The following UGGT2 variants were observed in gnomAD, a reference collection of about 807,000 sequenced individuals.
The protein encoded by UGGT2 is UDP-glucose:glycoprotein glucosyltransferase 2.
A neutral mutation model predicts 192.1 loss-of-function variants in UGGT2; 180 were observed. The ratio of observed to expected loss-of-function variants is 0.94; its 90% CI spans 0.83 to 1.06. UGGT2 has a LOEUF of 1.06. Among genes scored for constraint, UGGT2 ranks in the 50% least tolerant of loss-of-function variants. UGGT2 has a pLI of 0.00. For missense variants in UGGT2, 1,849 were observed against 1,795.7 expected, an observed-to-expected ratio of 1.03 and a Z score of -0.54; for synonymous variants, 580 against 591.0, an observed-to-expected ratio of 0.98 and a Z score of 0.27.
At chr13:95,960,314 G>A (rs1185350384) in intron 12 of UGGT2, among the ~76,000 whole-genome samples, 3 of 152,116 alleles carry the variant, frequency 2.0e-5, no homozygotes. Flanking sequence ...AGCTATAAGA[G>A]AATACTTTAA....
In UGGT2 at chr13:95,999,457, T is replaced by A. The variant is rs1254550604; in HGVS notation, c.661-150A>T. On this transcript the variant is annotated intron_variant, in intron 5 of 38. Transcript: ENST00000376747. ...CTGAAAAATTTGGGGGTTGTTTATA[T>A]TGTCTCTAGTCTATCAAGGAACTAG... 4.5e-6 allele frequency: 3 copies of A among 661,368 alleles called. No homozygotes were observed. In the East Asian group the frequency reaches 8.2e-5, roughly 18 times the overall value. 41.0% of individuals were successfully genotyped at this position (661,368 alleles called of 1,614,324 possible).
intron 21 of UGGT2, 72 bp downstream of exon 21, chr13:95,902,782 A>G (rs1298200049): frequency 7.8e-6 from 11 of 1,405,058 alleles, no homozygotes; most frequent in Middle Eastern, 2.3e-4. Context: ...TTCAGTAACA[A>G]TATCTCCAAA....
chr13:95,834,528 C>T (rs1211598777), intron 37 of UGGT2, among the ~76,000 whole-genome samples: 1 of 152,194 alleles, frequency 6.6e-6, no homozygotes, highest in Non-Finnish European at 1.5e-5. Flanking sequence ...TAAACATTTT[C>T]ATTCCCACCT....
intron 16 of UGGT2, among the ~76,000 whole-genome samples, chr13:95,937,850 G>A (rs1037535647): frequency 6.6e-6 from 1 of 152,046 alleles, no homozygotes; most frequent in Non-Finnish European, 1.5e-5. Flanking sequence ...CTTATGCAAT[G>A]GTAAATTCAC....
chr13:95,835,948 CT>C (rs1887231774), intron 37 of UGGT2, among the ~76,000 whole-genome samples: 1 of 152,036 alleles, frequency 6.6e-6, no homozygotes, highest in Non-Finnish European at 1.5e-5. Context: ...TCTTGTTTGC[CT>C]TTATTTGGGG....
At chr13:96,042,722 T>TA (rs2053200334) in intron 1 of UGGT2, among the ~76,000 whole-genome samples, 2 of 151,386 alleles carry the variant, frequency 1.3e-5, no homozygotes, top group Admixed American at 6.6e-5. Flanking sequence ...AAATGTAAAA[T>TA]AGAGTTTCAG....
At chr13:95,861,494 T>C (rs1396146556) in intron 31 of UGGT2, among the ~76,000 whole-genome samples, 1 of 152,126 alleles carries the variant, frequency 6.6e-6, no homozygotes, top group Non-Finnish European at 1.5e-5. Flanking sequence ...GGTAGCGTCA[T>C]CTGGGCCCAG....
intron 4 of UGGT2, among the ~76,000 whole-genome samples, chr13:96,018,758 A>C (rs1458653021): frequency 6.6e-6 from 1 of 151,618 alleles, no homozygotes; most frequent in Non-Finnish European, 1.5e-5. Context: ...AACAAAAAAA[A>C]CACAAAAAAC....
chr13:96,043,934 C>T (rs1317255402), intron 1 of UGGT2, among the ~76,000 whole-genome samples: 1 of 152,120 alleles, frequency 6.6e-6, no homozygotes, highest in Non-Finnish European at 1.5e-5. Context: ...CAATACTGCA[C>T]TGATAGCACT....
intron 17 of UGGT2, among the ~76,000 whole-genome samples, chr13:95,933,439 A>G (rs1338953990): frequency 6.6e-6 from 1 of 152,036 alleles, no homozygotes; most frequent in Non-Finnish European, 1.5e-5. Context: ...GTGCTTATTT[A>G]GATCGTTTCT....
At chr13:95,917,937 T>C (rs2048730459) in intron 20 of UGGT2, among the ~76,000 whole-genome samples, 1 of 152,128 alleles carries the variant, frequency 6.6e-6, no homozygotes, top group Non-Finnish European at 1.5e-5. Context: ...ACAATAATAG[T>C]GAGAGACCTT....
chr13:95,843,029 G>A (rs1888027917), intron 36 of UGGT2, among the ~76,000 whole-genome samples: 1 of 152,194 alleles, frequency 6.6e-6, no homozygotes. Flanking sequence ...AACAAATACA[G>A]GGGGGTTGTT....
chr13:96,019,712 G>A (rs1356052293), intron 4 of UGGT2, among the ~76,000 whole-genome samples: 2 of 152,192 alleles, frequency 1.3e-5, no homozygotes, highest in African/African-American at 4.8e-5. Context: ...CTTCCAAGTG[G>A]CAGACCAGAC....
chr13:96,031,008 G>A (rs190650078), intron 2 of UGGT2, among the ~76,000 whole-genome samples: 158 of 152,174 alleles, frequency 1.0e-3, no homozygotes, highest in African/African-American at 3.7e-3. Flanking sequence ...CCCATAGAAC[G>A]TATAACAGCA....
At position 95,890,934 on chromosome 13, in the gene UGGT2, A is replaced by T; in HGVS notation, c.2886T>A (p.Asp962Glu). 6.2e-7 allele frequency: 1 copy of T among 1,612,540 alleles called. No individual in the cohort carries two copies. Among genetic ancestry groups the T allele is most frequent in the South Asian group, 1.1e-5 (1 of 90,900 alleles). ...SVIKTNPQENDMFFNVIAIVD... is the reference protein window; with the variant it reads ...SVIKTNPQENEMFFNVIAIVD... ...CAATAGCAATGACATTGAAGAACAT[A>T]TCATTCTCTTGAGGATTCGTCTTTA... Residue 962 changes from aspartate to glutamate, a missense_variant, in exon 25 of 39, where the codon GAT (aspartate) becomes GAA (glutamate). By Grantham distance (45) the Asp-to-Glu change is conservative. Transcript: ENST00000376747.
At chr13:95,922,839 TAAAAC>T (rs996879418) in intron 20 of UGGT2, among the ~76,000 whole-genome samples, 4 of 151,676 alleles carry the variant, frequency 2.6e-5, no homozygotes, top group Admixed American at 1.3e-4. Flanking sequence ...CAAAACAAAA[TAAAAC>T]AAAACAAAAC....
chr13:95,933,677 T>C (rs1364129653), intron 17 of UGGT2, among the ~76,000 whole-genome samples: 1 of 128,984 alleles, frequency 7.8e-6, no homozygotes, highest in Non-Finnish European at 1.8e-5. Context: ...GTTCTAAATT[T>C]TTTTGTTTTT....
intron 17 of UGGT2, among the ~76,000 whole-genome samples, chr13:95,930,047 T>C (rs1230484521): frequency 6.6e-6 from 1 of 152,232 alleles, no homozygotes; most frequent in African/African-American, 2.4e-5. Flanking sequence ...TGTTGAACAT[T>C]TCTTTATATG....
chr13:96,050,012 G>T (rs952165842), intron 1 of UGGT2, among the ~76,000 whole-genome samples: 2 of 152,084 alleles, frequency 1.3e-5, no homozygotes, highest in Non-Finnish European at 2.9e-5. Flanking sequence ...AAGAGAGCTC[G>T]CATTGCCAAG....
Sources: gnomAD v4.1 joint callset for allele counts (sites outside exome capture counted in the v4.1 genomes callset) on GRCh38, gnomAD v4.1.1 for gene constraint, MANE v1.5 for transcripts, NCBI Gene and HGNC (gene_info 2026-07-23, HGNC 2026-07-21) for gene names.